GPHN: variants seen among roughly 807,000 people sequenced by gnomAD.
GPHN encodes gephyrin.
Under a neutral mutation model 95.5 loss-of-function variants are expected in GPHN, and 17 were observed. The observed-to-expected ratio is 0.18, with a 90% CI of 0.12 to 0.27. GPHN has a LOEUF of 0.27. Ranked by LOEUF, GPHN falls within the 10% of genes least tolerant of loss-of-function variation. The pLI is 1.00. For synonymous variants in GPHN, 320 were observed against 322.5 expected (o/e 0.99, Z 0.08); for missense variants, 660 against 978.1 (o/e 0.67, Z 4.34).
At chr14:67,730,507 CGGGTTTTAGATTTTTG>C in the GPHN span, among the ~76,000 whole-genome samples, 3 of 152,168 alleles carry the variant, frequency 2.0e-5, no homozygotes, top group South Asian at 4.1e-4. Flanking sequence ...CAGAGTATTT[CGGGTTTTAGATTTTTG>C]GGGTTTGAGA....
chr14:66,681,033 C>G, intron 1 of GPHN, 74 bp from the exon 2 acceptor site: 9 of 816,030 alleles, frequency 1.1e-5, no homozygotes, highest in Non-Finnish European at 1.7e-5. Context: ...TTCAAAATGT[C>G]TTTTGGTCAG....
At chr14:67,144,246 A>ATATATATAT (rs1237842407) in intron 18 of GPHN, among the ~76,000 whole-genome samples, 8 of 65,584 alleles carry the variant, frequency 1.2e-4, no homozygotes, top group Admixed American at 2.3e-4. Context: ...TAAAAAAAAA[A>ATATATATAT]AAAAATATAT....
chr14:66,884,588 A>T (rs986344175), intron 5 of GPHN, among the ~76,000 whole-genome samples: 14 of 151,622 alleles, frequency 9.2e-5, no homozygotes, highest in Admixed American at 8.6e-4. Context: ...GTTTTTTTTT[A>T]AAAGATCAAA....
chr14:67,471,631 A>C, the GPHN span: 2 of 152,188 alleles, frequency 1.3e-5, no homozygotes, highest in East Asian at 3.9e-4. Flanking sequence ...CCTGCCCAGG[A>C]AATAGGCTAG....
At chr14:66,647,032 G>A (rs1439771842) in intron 1 of GPHN, among the ~76,000 whole-genome samples, 9 of 150,574 alleles carry the variant, frequency 6.0e-5, no homozygotes, top group African/African-American at 2.2e-4. Context: ...AAGCAACTGG[G>A]ACCACAGGCA....
intron 13 of GPHN, among the ~76,000 whole-genome samples, chr14:67,101,828 A>G (rs2077709944): frequency 6.6e-6 from 1 of 150,614 alleles, no homozygotes; most frequent in Non-Finnish European, 1.5e-5. Flanking sequence ...GAAAAAAATA[A>G]CATATATCAT....
chr14:66,559,816 T>C (rs2060156469), intron 1 of GPHN, among the ~76,000 whole-genome samples: 1 of 152,158 alleles, frequency 6.6e-6, no homozygotes, highest in African/African-American at 2.4e-5. Context: ...TCCTTGCCCA[T>C]GTCTGTGTCC....
At chr14:66,984,764 G>A (rs546749286) in intron 9 of GPHN, among the ~76,000 whole-genome samples, 1 of 151,986 alleles carries the variant, frequency 6.6e-6, no homozygotes, top group South Asian at 2.1e-4. Context: ...ACCTATGCTG[G>A]TCTGAATTGA....
intron 5 of GPHN, among the ~76,000 whole-genome samples, chr14:66,891,107 A>G (rs1161916129): frequency 6.6e-6 from 1 of 152,098 alleles, no homozygotes; most frequent in Non-Finnish European, 1.5e-5. Flanking sequence ...ACAGAAATGA[A>G]AGGTATCCAA....
chr14:67,630,588 T>G, the GPHN span, among the ~76,000 whole-genome samples: 32,853 of 152,098 alleles, frequency 0.22, 4,469 homozygotes, highest in African/African-American at 0.38. Context: ...GTTTATTTAT[T>G]TATTTATTTT....
At chr14:67,521,592 G>A in the GPHN span, among the ~76,000 whole-genome samples, 6 of 152,256 alleles carry the variant, frequency 3.9e-5, no homozygotes, top group East Asian at 9.6e-4. Flanking sequence ...CAGTGGATAA[G>A]GACTATGCAG....
the GPHN span, among the ~76,000 whole-genome samples, chr14:67,257,262 T>C: frequency 6.6e-6 from 1 of 152,190 alleles, no homozygotes; most frequent in African/African-American, 2.4e-5. Flanking sequence ...CAATCAGATA[T>C]GCATTTGTCT....
At chr14:67,260,693 A>G in the GPHN span, among the ~76,000 whole-genome samples, 2 of 152,228 alleles carry the variant, frequency 1.3e-5, no homozygotes, top group Non-Finnish European at 2.9e-5. Context: ...CAAAAGTTTA[A>G]TGACAAAATA....
In GPHN at chr14:66,964,143, C is replaced by T. The variant is rs548027169; in HGVS notation, c.829-1048C>T. 1.4e-3 allele frequency among the ~76,000 whole-genome samples: 207 copies of T among 152,146 alleles called. 8 individuals are homozygous for T. The South Asian group carries it at 0.042, about 31-fold the overall frequency. ...ATATATTAATAATGTTAAAAATAAT[C>T]TACAGTATTAGTCTTTATGTTTGTA... On this transcript the variant is annotated intron_variant, in intron 8 of 22. Coordinates refer to ENST00000478722, the MANE Select transcript of GPHN (RefSeq NM_020806.5).
intron 20 of GPHN, among the ~76,000 whole-genome samples, chr14:67,165,530 T>C (rs961785413): frequency 1.3e-5 from 2 of 152,248 alleles, no homozygotes; most frequent in African/African-American, 4.8e-5. Context: ...ACTAGATCTT[T>C]CTGGAGCACC....
At chr14:67,491,109 G>A in the GPHN span, among the ~76,000 whole-genome samples, 3 of 152,204 alleles carry the variant, frequency 2.0e-5, no homozygotes, top group Admixed American at 6.5e-5. Context: ...TTACAAACCA[G>A]GGTTCCCATG....
At chr14:66,826,145 C>T (rs1309754382) in intron 4 of GPHN, among the ~76,000 whole-genome samples, 3 of 152,038 alleles carry the variant, frequency 2.0e-5, no homozygotes, top group Non-Finnish European at 4.4e-5. Flanking sequence ...AACCAAATAA[C>T]AGTATTATTT....
At chr14:66,911,898 G>A (rs151096715) in intron 5 of GPHN, among the ~76,000 whole-genome samples, 3 of 151,940 alleles carry the variant, frequency 2.0e-5, no homozygotes, top group East Asian at 1.9e-4. Flanking sequence ...TAACCTGTTC[G>A]CTTTTCTTCA....
rs1484746686 is a variant in GPHN, at chr14:66,697,801, C to T, written c.143+16616C>T. Among the ~76,000 whole-genome samples the T allele has an allele frequency of 3.3e-5, 5 of 151,378 alleles. No homozygotes were observed. The Admixed American group carries it at 3.3e-4, about 10-fold the overall frequency. ...CTCCCAGGTTCCAGTGATCATCTCA[C>T]TTCAGCTTCCCAAGTAGCTGGGACT... On this transcript the variant is annotated intron_variant, in intron 2 of 22. Coordinates refer to ENST00000478722, the MANE Select transcript of GPHN (RefSeq NM_020806.5).
Sources: gnomAD v4.1 joint callset for allele counts (sites outside exome capture counted in the v4.1 genomes callset) on GRCh38, gnomAD v4.1.1 for gene constraint, MANE v1.5 for transcripts, NCBI Gene and HGNC (gene_info 2026-07-23, HGNC 2026-07-21) for gene names.